EPHA3: variants seen among roughly 807,000 people sequenced by gnomAD.
EPHA3 encodes the protein EPH receptor A3, also known as ephrin type-A receptor 3.
Under a neutral mutation model 107.1 loss-of-function variants are expected in EPHA3, and 42 were observed. That is an observed-to-expected ratio of 0.39 (90% CI 0.31 to 0.51). The LOEUF is 0.51. Ranked by LOEUF, EPHA3 falls within the 20% of genes least tolerant of loss-of-function variation. The pLI, the probability that EPHA3 is intolerant of heterozygous loss-of-function variation, is 0.78. For synonymous variants in EPHA3, 461 were observed against 424.8 expected (o/e 1.09, Z -1.05); for missense variants, 1,183 against 1,211.2 (o/e 0.98, Z 0.35).
intron 2 of EPHA3, among the ~76,000 whole-genome samples, chr3:89,180,060 T>C (rs1165214967): frequency 6.6e-6 from 1 of 152,032 alleles, no homozygotes. Flanking sequence ...AATGCTGTAA[T>C]CTGTAGTTGA....
chr3:89,355,103 A>T (rs1202704716), intron 5 of EPHA3, among the ~76,000 whole-genome samples: 1 of 149,698 alleles, frequency 6.7e-6, no homozygotes, highest in Non-Finnish European at 1.5e-5. Flanking sequence ...GAAAAAAAAT[A>T]ATTATAACAA....
intron 8 of EPHA3, among the ~76,000 whole-genome samples, chr3:89,407,822 T>A (rs1709083725): frequency 6.6e-6 from 1 of 152,134 alleles, no homozygotes; most frequent in Admixed American, 6.6e-5. Flanking sequence ...TTATAAAAAC[T>A]GAACTGGAGG....
At chr3:89,230,903 G>A (rs1304267503) in intron 3 of EPHA3, among the ~76,000 whole-genome samples, 2 of 149,996 alleles carry the variant, frequency 1.3e-5, no homozygotes, top group Non-Finnish European at 3.0e-5. Flanking sequence ...TCAGACTATG[G>A]GCTTTGTTTT....
intron 2 of EPHA3, among the ~76,000 whole-genome samples, chr3:89,152,164 C>T (rs190845746): frequency 6.6e-6 from 1 of 152,088 alleles, no homozygotes; most frequent in Non-Finnish European, 1.5e-5. Context: ...ATTATGGTGT[C>T]CTTATTAATT....
At chr3:89,161,287 G>T (rs1252890573) in intron 2 of EPHA3, among the ~76,000 whole-genome samples, 1 of 152,126 alleles carries the variant, frequency 6.6e-6, no homozygotes, top group Non-Finnish European at 1.5e-5. Flanking sequence ...AAGAAATATA[G>T]TGAAGTCTCT....
chr3:89,372,215 G>C (rs1380325737), intron 5 of EPHA3, among the ~76,000 whole-genome samples: 1 of 151,642 alleles, frequency 6.6e-6, no homozygotes, highest in Middle Eastern at 3.4e-3. Flanking sequence ...CTGACAAGAA[G>C]GTAGGGTATC....
At chr3:89,115,651 A>C (rs911433947) in intron 1 of EPHA3, among the ~76,000 whole-genome samples, 6 of 152,172 alleles carry the variant, frequency 3.9e-5, no homozygotes, top group African/African-American at 1.4e-4. Context: ...CTGCTGGCAA[A>C]TAGATTTTTC....
chr3:89,333,392 T>G (rs1192817418), intron 3 of EPHA3, among the ~76,000 whole-genome samples: 1 of 152,216 alleles, frequency 6.6e-6, no homozygotes, highest in Non-Finnish European at 1.5e-5. Flanking sequence ...ACTCATATTT[T>G]TAGTATTTCT....
At chr3:89,254,683 A>G (rs1224850778) in intron 3 of EPHA3, among the ~76,000 whole-genome samples, 1 of 152,200 alleles carries the variant, frequency 6.6e-6, no homozygotes, top group African/African-American at 2.4e-5. Context: ...TTTCCTATCT[A>G]TATGAATAAA....
At chr3:89,351,487 C>T (rs1388425105) in intron 5 of EPHA3, among the ~76,000 whole-genome samples, 13 of 149,974 alleles carry the variant, frequency 8.7e-5, no homozygotes, top group Non-Finnish European at 1.6e-4. Flanking sequence ...GCGCACGGTG[C>T]GCGCACCCAC....
intron 3 of EPHA3, among the ~76,000 whole-genome samples, chr3:89,298,190 C>A (rs929195966): frequency 3.3e-5 from 5 of 152,250 alleles, no homozygotes; most frequent in East Asian, 1.9e-4. Context: ...CTTTCCCTGA[C>A]CTCAGGAGAT....
chr3:89,117,691 T>C (rs1387706775), intron 1 of EPHA3, among the ~76,000 whole-genome samples: 1 of 152,112 alleles, frequency 6.6e-6, no homozygotes. Context: ...TATATACCTT[T>C]TGACCTCATT....
chr3:89,266,099 C>T (rs1047807146), intron 3 of EPHA3, among the ~76,000 whole-genome samples: 7 of 152,002 alleles, frequency 4.6e-5, no homozygotes, highest in African/African-American at 1.4e-4. Flanking sequence ...TCCAGAGAGA[C>T]GCAATCCTAC....
At chr3:89,452,747 T>A (rs1254681319) in intron 15 of EPHA3, among the ~76,000 whole-genome samples, 1 of 152,172 alleles carries the variant, frequency 6.6e-6, no homozygotes, top group East Asian at 1.9e-4. Context: ...TTTGGTGTCA[T>A]CTCTACAAAA....
rs145268485 is a variant in EPHA3 at position 89,119,183 on chromosome 3, C to T, written c.89-8026C>T. On this transcript the variant is annotated intron_variant, in intron 1 of 16. Coordinates refer to ENST00000336596, the MANE Select transcript of EPHA3 (RefSeq NM_005233.6). Reference sequence around the variant, plus strand: ...GAAATAGTTCTTGTTAAGCACATACCGAAGCTAACATAAATTCTTTACATT... The same window carrying T: ...GAAATAGTTCTTGTTAAGCACATACTGAAGCTAACATAAATTCTTTACATT... 8.7e-3 allele frequency among the ~76,000 whole-genome samples: 1,318 copies of T among 151,930 alleles called. 9 individuals are homozygous for T. Among genetic ancestry groups the T allele is most frequent in the East Asian group, 0.029 (149 of 5,178 alleles).
chr3:89,439,850 C>T (rs999090368), intron 13 of EPHA3, among the ~76,000 whole-genome samples: 1 of 151,950 alleles, frequency 6.6e-6, no homozygotes, highest in Non-Finnish European at 1.5e-5. Flanking sequence ...TTAGTTTTTA[C>T]ACTGTTTCAT....
At chr3:89,467,688 C>T (rs1430083571) in intron 15 of EPHA3, among the ~76,000 whole-genome samples, 1 of 152,182 alleles carries the variant, frequency 6.6e-6, no homozygotes, top group East Asian at 1.9e-4. Flanking sequence ...TATATATGTA[C>T]CTCTCTAATG....
intron 13 of EPHA3, among the ~76,000 whole-genome samples, chr3:89,445,949 AAAGGTTTAAAGTTGTC>A (rs1709869564): frequency 6.6e-6 from 1 of 152,212 alleles, no homozygotes; most frequent in African/African-American, 2.4e-5. Flanking sequence ...TGTTACATTG[AAAGGTTTAAAGTTGTC>A]ATTCTAACAA....
intron 1 of EPHA3, 95 bp from the exon 2 acceptor site, chr3:89,127,114 G>A: frequency 1.1e-6 from 1 of 914,244 alleles, no homozygotes. Flanking sequence ...TATGTTTTTT[G>A]AGCAACATCA....
Sources: gnomAD v4.1 joint callset for allele counts (sites outside exome capture counted in the v4.1 genomes callset) on GRCh38, gnomAD v4.1.1 for gene constraint, MANE v1.5 for transcripts, NCBI Gene and HGNC (gene_info 2026-07-23, HGNC 2026-07-21) for gene names.